Variants in CLIC5 observed in about 807,000 individuals in gnomAD.
CLIC5 encodes the protein CLIC family member 5.
Under a neutral mutation model 24.7 loss-of-function variants are expected in CLIC5, and 20 were observed. The observed-to-expected ratio is 0.81, with a 90% CI of 0.57 to 1.18. The LOEUF (loss-of-function observed/expected upper bound fraction) is 1.18, where lower values mean the gene tolerates loss of function less well. CLIC5 is among the 50% of genes most tolerant of loss of function. The pLI is 0.00. For synonymous variants in CLIC5, 159 were observed against 135.6 expected (o/e 1.17, Z -1.20); for missense variants, 341 against 326.1 (o/e 1.05, Z -0.35).
At chr6:46,000,554 T>C (rs1561994918) in intron 1 of CLIC5, among the ~76,000 whole-genome samples, 1 of 152,176 alleles carries the variant, frequency 6.6e-6, no homozygotes, top group Non-Finnish European at 1.5e-5. Flanking sequence ...TATGAAGAAA[T>C]ACCCAAGACT....
intron 4 of CLIC5, 145 bp downstream of exon 4, chr6:45,941,401 GC>G: frequency 2.1e-6 from 1 of 468,642 alleles, no homozygotes; most frequent in Admixed American, 3.7e-5. Context: ...GATGGTGGTG[GC>G]GGGGGGTGGG....
At chr6:45,893,241 TTG>T (rs1239635735) in intron 6 of CLIC5, among the ~76,000 whole-genome samples, 44 of 149,670 alleles carry the variant, frequency 2.9e-4, no homozygotes, top group African/African-American at 9.1e-4. Context: ...TTTTTTTTTT[TTG>T]TTTTAAGAAT....
downstream of CLIC5, among the ~76,000 whole-genome samples, chr6:45,893,803 T>C (rs2127284981): frequency 6.6e-6 from 1 of 152,296 alleles, no homozygotes; most frequent in Admixed American, 6.5e-5. Flanking sequence ...CTTGAGACTA[T>C]ATTGGGGGTG....
chr6:46,066,645 C>G (rs1039023131), intron 1 of CLIC5, among the ~76,000 whole-genome samples: 1 of 152,134 alleles, frequency 6.6e-6, no homozygotes, highest in Non-Finnish European at 1.5e-5. Flanking sequence ...TAAGATGTAG[C>G]TGGAAAGTGC....
At position 46,072,576 on chromosome 6, in the gene CLIC5, A is replaced by G. The variant is rs113549189; in HGVS notation, c.540+7127T>C. On this transcript the variant is annotated intron_variant, in intron 1 of 5. Transcript: ENST00000185206. ...GAAAAATTGCAAAACATTCTTTAGA[A>G]AAAAATATGGGCCCTAATTTGGGGA... 7.3e-3 allele frequency among the ~76,000 whole-genome samples: 1,109 copies of G among 152,300 alleles called. 13 individuals are homozygous for G. Among genetic ancestry groups the G allele is most frequent in the African/African-American group, 0.025 (1,056 of 41,564 alleles).
exon 7 of CLIC5, chr6:45,881,068 C>T: frequency 5.0e-6 from 2 of 398,204 alleles, no homozygotes; most frequent in Non-Finnish European, 8.9e-6. Context: ...ACAATGAGTT[C>T]CACATTTAGA....
At chr6:46,116,645 G>A in the CLIC5 span, among the ~76,000 whole-genome samples, 4 of 152,302 alleles carry the variant, frequency 2.6e-5, no homozygotes, top group Non-Finnish European at 5.9e-5. Flanking sequence ...GTAAGGCCAA[G>A]CTCTGGGGGA....
At chr6:45,996,794 C>T (rs1371485582) in intron 1 of CLIC5, among the ~76,000 whole-genome samples, 1 of 151,760 alleles carries the variant, frequency 6.6e-6, no homozygotes, top group Non-Finnish European at 1.5e-5. Flanking sequence ...CAAATCAAAA[C>T]CACAATGAGA....
intron 1 of CLIC5, among the ~76,000 whole-genome samples, chr6:46,078,142 T>G (rs988166677): frequency 4.6e-5 from 7 of 152,100 alleles, no homozygotes; most frequent in African/African-American, 1.7e-4. Flanking sequence ...GGTGGATCAC[T>G]TGAGGTTAGG....
intron 1 of CLIC5, among the ~76,000 whole-genome samples, chr6:45,976,800 T>C (rs1449201721): frequency 6.6e-6 from 1 of 152,326 alleles, no homozygotes; most frequent in East Asian, 1.9e-4. Flanking sequence ...GGCATAGACC[T>C]ATGAGGTTTC....
At chr6:45,988,272 T>A (rs1234640153) in intron 1 of CLIC5, among the ~76,000 whole-genome samples, 1 of 152,220 alleles carries the variant, frequency 6.6e-6, no homozygotes, top group African/African-American at 2.4e-5. Flanking sequence ...CAAATTTTAT[T>A]AGATCTTAAG....
downstream of CLIC5, among the ~76,000 whole-genome samples, chr6:45,894,491 T>C (rs6458474): frequency 0.46 from 70,103 of 151,964 alleles, 16,798 homozygotes; most frequent in African/African-American, 0.59. Context: ...AATAAAGTTA[T>C]AGATGAAAAA....
At chr6:46,011,548 G>A (rs1323528057) in intron 1 of CLIC5, among the ~76,000 whole-genome samples, 1 of 152,216 alleles carries the variant, frequency 6.6e-6, no homozygotes, top group East Asian at 1.9e-4. Flanking sequence ...TGAATAGGTA[G>A]TGAAGGCTGA....
upstream of CLIC5, among the ~76,000 whole-genome samples, chr6:46,085,014 T>G (rs1474245780): frequency 1.3e-5 from 2 of 152,210 alleles, no homozygotes; most frequent in Non-Finnish European, 2.9e-5. Flanking sequence ...CTCACTTCAT[T>G]TCATTCATTT....
intron 1 of CLIC5, among the ~76,000 whole-genome samples, chr6:45,995,872 A>T (rs1028831271): frequency 6.6e-6 from 1 of 152,182 alleles, no homozygotes; most frequent in Non-Finnish European, 1.5e-5. Flanking sequence ...ACAGAAGACC[A>T]AATGCCATAT....
chr6:46,079,968 T>C, exon 1 of CLIC5: 4 of 1,551,746 alleles, frequency 2.6e-6, no homozygotes, highest in Non-Finnish European at 2.6e-6. Context: ...ATGAGCCTCC[T>C]GGAGTTCAGA....
At chr6:46,085,170 T>A (rs1320001078), upstream of CLIC5, among the ~76,000 whole-genome samples, 1 of 152,216 alleles carries the variant, frequency 6.6e-6, no homozygotes, top group Non-Finnish European at 1.5e-5. Flanking sequence ...TAGTTATACA[T>A]TCTTCTAAAT....
At chr6:45,990,307 AG>A (rs1765889490) in intron 1 of CLIC5, among the ~76,000 whole-genome samples, 2 of 152,214 alleles carry the variant, frequency 1.3e-5, no homozygotes, top group Admixed American at 1.3e-4. Context: ...TTCATGTTTA[AG>A]TCACTAGTTT....
At chr6:46,119,041 A>G in the CLIC5 span, among the ~76,000 whole-genome samples, 1 of 152,180 alleles carries the variant, frequency 6.6e-6, no homozygotes, top group South Asian at 2.1e-4. Flanking sequence ...CAAGTCGAGG[A>G]ATATAGGTGG....
Sources: gnomAD v4.1 joint callset for allele counts (sites outside exome capture counted in the v4.1 genomes callset) on GRCh38, gnomAD v4.1.1 for gene constraint, MANE v1.5 for transcripts, NCBI Gene and HGNC (gene_info 2026-07-23, HGNC 2026-07-21) for gene names.